CRYBG1: variants seen among roughly 807,000 people sequenced by gnomAD.
The protein encoded by CRYBG1 is beta/gamma crystallin domain-containing protein 1.
Under a neutral mutation model 189.2 loss-of-function variants are expected in CRYBG1, and 139 were observed. That is an observed-to-expected ratio of 0.73 (90% CI 0.64 to 0.85). CRYBG1 has a LOEUF of 0.85. Ranked by LOEUF, CRYBG1 falls within the 40% of genes least tolerant of loss-of-function variation. The pLI, the probability that CRYBG1 is intolerant of heterozygous loss-of-function variation, is 0.00. For synonymous variants in CRYBG1, 1,023 were observed against 1,017.1 expected, an observed-to-expected ratio of 1.01 and a Z score of -0.11; for missense variants, 2,611 against 2,675.8, an observed-to-expected ratio of 0.98 and a Z score of 0.53.
intron 16 of CRYBG1, among the ~76,000 whole-genome samples, chr6:106,554,023 A>C (rs1774472040): frequency 6.6e-6 from 1 of 152,180 alleles, no homozygotes; most frequent in African/African-American, 2.4e-5. Flanking sequence ...AAAGCTGAGC[A>C]CACTGAGTTT....
intron 1 of CRYBG1, among the ~76,000 whole-genome samples, chr6:106,418,463 T>C (rs1162796400): frequency 6.6e-6 from 1 of 152,248 alleles, no homozygotes; most frequent in East Asian, 1.9e-4. Flanking sequence ...GGCATTTGGC[T>C]GACTCTTGTT....
chr6:106,415,515 A>G (rs1342865905), intron 1 of CRYBG1, among the ~76,000 whole-genome samples: 1 of 151,966 alleles, frequency 6.6e-6, no homozygotes, highest in African/African-American at 2.4e-5. Context: ...GCTTGAGCCT[A>G]GGAGTTCAGA....
At chr6:106,562,437 T>C (rs1364256419) in intron 20 of CRYBG1, among the ~76,000 whole-genome samples, 1 of 152,222 alleles carries the variant, frequency 6.6e-6, no homozygotes, top group African/African-American at 2.4e-5. Flanking sequence ...AATAGGTCAA[T>C]GAGAAAAAGT....
intron 2 of CRYBG1, among the ~76,000 whole-genome samples, chr6:106,472,283 ATAAAT>A (rs1464500289): frequency 6.6e-6 from 1 of 152,232 alleles, no homozygotes; most frequent in Non-Finnish European, 1.5e-5. Flanking sequence ...TCATGGAAAT[ATAAAT>A]TAAATATTTT....
At chr6:106,483,407 ATTTTCT>A (rs1562082753) in intron 2 of CRYBG1, among the ~76,000 whole-genome samples, 2 of 133,502 alleles carry the variant, frequency 1.5e-5, no homozygotes, top group African/African-American at 2.5e-5. Flanking sequence ...TATATAAAAC[ATTTTCT>A]TTATCTACTT....
chr6:106,476,065 T>C (rs936530596), intron 2 of CRYBG1, among the ~76,000 whole-genome samples: 2 of 152,340 alleles, frequency 1.3e-5, no homozygotes, highest in South Asian at 4.1e-4. Context: ...CTCCTAGTGT[T>C]TGATGATGTT....
At chr6:106,386,853 A>ACCTTAATAGGC (rs534926795) in intron 1 of CRYBG1, among the ~76,000 whole-genome samples, 88 of 152,284 alleles carry the variant, frequency 5.8e-4, no homozygotes, top group African/African-American at 2.1e-3. Context: ...GCCCTGGACC[A>ACCTTAATAGGC]CTATCCGTCC....
At chr6:106,401,047 T>C (rs1377950380) in intron 1 of CRYBG1, among the ~76,000 whole-genome samples, 1 of 152,186 alleles carries the variant, frequency 6.6e-6, no homozygotes, top group African/African-American at 2.4e-5. Flanking sequence ...AGACACTATA[T>C]TTCCTCCTGC....
At chr6:106,425,484 A>G (rs76795714) in intron 1 of CRYBG1, among the ~76,000 whole-genome samples, 4,041 of 152,198 alleles carry the variant, frequency 0.027, 167 homozygotes, top group African/African-American at 0.082. Flanking sequence ...ATGCCTTTGC[A>G]TACAGCCTCA....
Position 106,543,485 on chromosome 6 carries a change from C to G in CRYBG1, c.4927C>G (p.Leu1643Val). ...KPFFEGKCVE[L>V]ETGMCSFVME... ...TTTCTTTGAAGGAAAATGTGTGGAA[C>G]TAGAAACAGGAATGTGTAGTTTTGT... The change falls in exon 11 of 22, where the codon CTA (leucine) becomes GTA (valine). Residue 1643 changes from leucine to valine, a missense_variant. Transcript: ENST00000633556. The G allele has an allele frequency of 6.2e-7, 1 of 1,613,844 alleles. No individual in the cohort carries two copies.
intron 1 of CRYBG1, among the ~76,000 whole-genome samples, chr6:106,365,315 T>C (rs113763488): frequency 1.3e-4 from 20 of 152,158 alleles, no homozygotes; most frequent in African/African-American, 4.6e-4. Flanking sequence ...TAATCATAGC[T>C]ACTTGGGAGG....
Position 106,492,520 on chromosome 6 carries a change from G to A in CRYBG1, c.313-18910G>A, listed in dbSNP as rs562299278. Among the ~76,000 whole-genome samples, 6 of 151,994 alleles carry A rather than the reference G, an allele frequency of 3.9e-5. No homozygotes were observed. The South Asian group carries it at 1.2e-3, about 32-fold the overall frequency. ...GGAGAGGGAGGGAGGGAGGAAGAGA[G>A]GAAGGAAAGAAGGAAGGGAAGAAGG... On this transcript the variant is annotated intron_variant, in intron 2 of 21. Coordinates refer to ENST00000633556, the MANE Select transcript of CRYBG1 (RefSeq NM_001371242.2).
intron 6 of CRYBG1, 33 bp downstream of exon 6, chr6:106,525,419 G>C: frequency 1.3e-6 from 2 of 1,546,768 alleles, no homozygotes. Context: ...CTGATGTCAA[G>C]TGTTTGAGTT....
At chr6:106,432,640 G>A (rs1771352066) in intron 1 of CRYBG1, among the ~76,000 whole-genome samples, 1 of 152,168 alleles carries the variant, frequency 6.6e-6, no homozygotes, top group African/African-American at 2.4e-5. Flanking sequence ...CCTGGGCTCT[G>A]CTAAACAGGT....
At chr6:106,440,140 C>G (rs146270649) in intron 1 of CRYBG1, among the ~76,000 whole-genome samples, 1 of 152,166 alleles carries the variant, frequency 6.6e-6, no homozygotes, top group Non-Finnish European at 1.5e-5. Flanking sequence ...TGCTGCCTCT[C>G]TTCTTCTGCC....
At position 106,512,650 on chromosome 6, in the gene CRYBG1, C is replaced by T. The variant is rs759487368; in HGVS notation, c.1533C>T (p.Ser511=). 34 of 1,584,682 alleles carry T rather than the reference C, an allele frequency of 2.1e-5. No individual in the cohort carries two copies. Among genetic ancestry groups the T allele is most frequent in the Non-Finnish European group, 8.6e-7 (1 of 1,166,464 alleles). ...GCAAACAGCCACCCCCGGCTTCGTC[C>T]CCCACGAAGAGGAAGGGCAGGAGCC... The part of the protein sequence containing the change: ...DRSKQPPPAS[S]PTKRKGRSRA... The change falls in exon 3 of 22, where the codon TCC becomes TCT. Residue 511 remains serine, a synonymous_variant. Coordinates refer to ENST00000633556, the MANE Select transcript of CRYBG1 (RefSeq NM_001371242.2).
chr6:106,504,120 TA>T (rs139491134), intron 2 of CRYBG1, among the ~76,000 whole-genome samples: 5 of 151,498 alleles, frequency 3.3e-5, no homozygotes, highest in Admixed American at 2.6e-4. Context: ...AAGATTTTTT[TA>T]AAAAAAGAAA....
At chr6:106,440,243 CCTCTCTCTCTCT>C (rs34075891) in intron 1 of CRYBG1, among the ~76,000 whole-genome samples, 2 of 147,498 alleles carry the variant, frequency 1.4e-5, no homozygotes, top group East Asian at 2.0e-4. Flanking sequence ...TTCCTTTCTT[CCTCTCTCTCTCT>C]CTCTCTCTCT....
chr6:106,511,729 A>G lies in CRYBG1; in HGVS notation c.612A>G (p.Ala204=). ...AGCTCCCCGAGAGCGGTGGCCCCGC[A>G]GCCCCCCCTGACGCCGAGCTGTCAC... is the stretch of plus-strand genomic sequence containing the variant. ...EGELPESGGP[A]APPDAELSPR... Residue 204 remains alanine, a synonymous_variant, in exon 3 of 22, where the codon GCA becomes GCG. Coordinates refer to ENST00000633556, the MANE Select transcript of CRYBG1 (RefSeq NM_001371242.2). 1.3e-6 allele frequency: 2 copies of G among 1,534,918 alleles called. No homozygotes were observed. The highest frequency in any genetic ancestry group is 1.7e-6 in the Non-Finnish European group (2 of 1,146,496).
Sources: allele counts gnomAD v4.1 joint callset (sites outside exome capture counted in the v4.1 genomes callset), GRCh38; gene constraint gnomAD v4.1.1; transcripts MANE v1.5; gene names NCBI Gene and HGNC (gene_info 2026-07-23, HGNC 2026-07-21).